NLRC5: variants seen among roughly 807,000 people sequenced by gnomAD.
NLRC5 encodes the protein NLR family CARD domain containing 5, also known as protein NLRC5.
Under a neutral mutation model 206.9 loss-of-function variants are expected in NLRC5, and 114 were observed. That is an observed-to-expected ratio of 0.55 (90% CI 0.47 to 0.64). The LOEUF (loss-of-function observed/expected upper bound fraction) is 0.64, where lower values mean the gene tolerates loss of function less well. Among genes scored for constraint, NLRC5 ranks in the 30% least tolerant of loss-of-function variants. NLRC5 has a pLI of 0.00. For synonymous variants in NLRC5, 952 were observed against 962.8 expected (o/e 0.99, Z 0.21); for missense variants, 2,008 against 2,305.5 (o/e 0.87, Z 2.64).
intron 15 of NLRC5, among the ~76,000 whole-genome samples, chr16:57,038,592 TTATAAAA>T (rs1411377524): frequency 6.6e-5 from 2 of 30,248 alleles, no homozygotes; most frequent in African/African-American, 1.3e-4. Flanking sequence ...TCTTAAAAGA[TTATAAAA>T]GATTATAATA....
intron 1 of NLRC5, among the ~76,000 whole-genome samples, chr16:57,011,561 A>C (rs550027300): frequency 2.0e-5 from 3 of 152,248 alleles, no homozygotes; most frequent in Non-Finnish European, 4.4e-5. Context: ...TGTCTCTACA[A>C]AAAAATTAAA....
Position 57,026,504 on chromosome 16 carries a change from C to T in NLRC5, c.1561C>T (p.Leu521Phe). 2 of 1,614,124 alleles carry T rather than the reference C, an allele frequency of 1.2e-6. No individual in the cohort carries two copies. The highest frequency in any genetic ancestry group is 1.7e-6 in the Non-Finnish European group (2 of 1,180,044). Reference protein sequence around the residue: ...AFTHLSLQEFLAALHLMASPK... With the variant: ...AFTHLSLQEFFAALHLMASPK... ...CACCCACCTCAGCCTGCAGGAGTTTCTTGCTGCCCTGCACCTGATGGCCAG... is the reference window on the plus strand; with the variant it reads ...CACCCACCTCAGCCTGCAGGAGTTTTTTGCTGCCCTGCACCTGATGGCCAG... Residue 521 changes from leucine (L) to phenylalanine (F), a missense_variant, in exon 6 of 49, where the codon CTT becomes TTT. By Grantham distance (22) the Leu-to-Phe change is conservative. Transcript: ENST00000688547.
chr16:57,013,691 C>A (rs1051798696), intron 1 of NLRC5: 4 of 811,986 alleles, frequency 4.9e-6, no homozygotes, highest in Admixed American at 1.8e-5. Flanking sequence ...TTGCTGGTAA[C>A]CTGGAATATG....
chr16:57,019,040 A>G (rs1278595575), intron 2 of NLRC5, among the ~76,000 whole-genome samples: 2 of 152,256 alleles, frequency 1.3e-5, no homozygotes, highest in African/African-American at 4.8e-5. Context: ...CACATTATTT[A>G]GGCTTTTGCT....
chr16:57,054,848 T>C lies in NLRC5; in HGVS notation c.3596+8T>C. ...TAAAAAGGTGGATCTCAGGTGGGCATTCCCCTGGGACAGCCAGGACTCGTC... is the reference window on the plus strand; with the variant it reads ...TAAAAAGGTGGATCTCAGGTGGGCACTCCCCTGGGACAGCCAGGACTCGTC... On this transcript the variant is annotated splice_region_variant and intron_variant, in intron 25 of 48. Transcript: ENST00000688547. 1.2e-6 allele frequency: 2 copies of C among 1,613,522 alleles called. No homozygotes were observed. The highest frequency in any genetic ancestry group is 2.2e-5 in the East Asian group (1 of 44,886).
chr16:57,031,215 A>G (rs184194460), intron 10 of NLRC5, among the ~76,000 whole-genome samples, 189 bp from the exon 11 acceptor site: 58 of 152,348 alleles, frequency 3.8e-4, no homozygotes, highest in Admixed American at 7.8e-4. Flanking sequence ...TCATCAAGCA[A>G]AGACATAATC....
intron 13 of NLRC5, 79 bp downstream of exon 13, chr16:57,034,330 G>A (rs555711674): frequency 2.0e-6 from 2 of 1,020,340 alleles, no homozygotes; most frequent in South Asian, 1.4e-5. Flanking sequence ...CCTTTGGGTG[G>A]GTGGTGTGGG....
At chr16:57,059,862 C>T (rs1451869785) in intron 30 of NLRC5, among the ~76,000 whole-genome samples, 1 of 152,060 alleles carries the variant, frequency 6.6e-6, no homozygotes, top group Non-Finnish European at 1.5e-5. Context: ...AAAATAAATC[C>T]CTGATCTGCC....
chr16:57,033,655 A>C lies in NLRC5; in HGVS notation c.2529A>C (p.Arg843Ser). 1 of 1,614,074 alleles carries C rather than the reference A, an allele frequency of 6.2e-7. No homozygotes were observed. The highest frequency in any genetic ancestry group is 8.5e-7 in the Non-Finnish European group (1 of 1,179,956). ...GCCAGAGGAAAGGGGCTCAGAGCAG[A>C]AGCTTGACGCTCAGGTACCTTGGAG... ...SDGQRKGAQS[R>S]SLTLRLQKCQ... The change falls in exon 12 of 49, where the codon AGA becomes AGC. Residue 843 changes from arginine to serine, a missense_variant. By Grantham distance (110) the Arg-to-Ser change is moderately radical. Coordinates refer to ENST00000688547, the MANE Select transcript of NLRC5 (RefSeq NM_001384950.1).
chr16:56,998,080 C>A (rs1199088842), intron 1 of NLRC5, among the ~76,000 whole-genome samples: 1 of 152,040 alleles, frequency 6.6e-6, no homozygotes, highest in Non-Finnish European at 1.5e-5. Flanking sequence ...TTCTTCTGCC[C>A]CAGTTTTATG....
chr16:57,061,513 T>C lies in NLRC5; in HGVS notation c.4052T>C (p.Leu1351Pro), dbSNP rs747333317. Residue 1351 changes from leucine (L) to proline (P), a missense_variant, in exon 31 of 49, where the codon CTG (leucine) becomes CCG (proline). By Grantham distance (98) the Leu-to-Pro change is moderately conservative. Transcript: ENST00000688547. Reference sequence around the variant, plus strand: ...CTGGCCACCGGCTTGAGCAAGTCCCTGCAGCTGACGGAGCTCACGTGAGTG... The same window carrying C: ...CTGGCCACCGGCTTGAGCAAGTCCCCGCAGCTGACGGAGCTCACGTGAGTG... ...SRLATGLSKS[L>P]QLTELTLTQC... 9 of 1,610,438 alleles carry C rather than the reference T, an allele frequency of 5.6e-6. No homozygotes were observed. In the South Asian group the frequency reaches 9.9e-5, roughly 18 times the overall value.
At position 57,025,135 on chromosome 16, in the gene NLRC5, C is replaced by T. The variant is rs563833628; in HGVS notation, c.425-233C>T. On this transcript the variant is annotated intron_variant, in intron 5 of 48. Transcript: ENST00000688547. ...GAACCGTGACCCACACTTCCCCATTCCCACCTGCCTGTTTAAATAGCTACC... is the reference window on the plus strand; with the variant it reads ...GAACCGTGACCCACACTTCCCCATTTCCACCTGCCTGTTTAAATAGCTACC... Among the ~76,000 whole-genome samples, 21 of 152,332 alleles carry T rather than the reference C, an allele frequency of 1.4e-4. No homozygotes were observed. The South Asian group carries it at 4.3e-3, about 32-fold the overall frequency.
intron 34 of NLRC5, 24 bp downstream of exon 34, chr16:57,066,638 C>T (rs770297528): frequency 9.4e-6 from 15 of 1,600,826 alleles, no homozygotes; most frequent in Non-Finnish European, 1.3e-5. Context: ...CCAGGGACCC[C>T]AAGGCAGGGG....
Position 57,017,527 on chromosome 16 carries a change from C to T in NLRC5, c.-13+339C>T, listed in dbSNP as rs556407940. On this transcript the variant is annotated intron_variant, in intron 2 of 48. Coordinates refer to ENST00000688547, the MANE Select transcript of NLRC5 (RefSeq NM_001384950.1). ...CATGCACCCTCCAAAGTCCCAGTGACTCATGGCAACAAAAGTTTATTTCCT... is the reference window on the plus strand; with the variant it reads ...CATGCACCCTCCAAAGTCCCAGTGATTCATGGCAACAAAAGTTTATTTCCT... Among the ~76,000 whole-genome samples, 16 of 152,282 alleles carry T rather than the reference C, an allele frequency of 1.1e-4. No individual in the cohort carries two copies. In the East Asian group the frequency reaches 3.1e-3, roughly 29 times the overall value.
At chr16:57,078,254 T>G (rs1173882688) in intron 43 of NLRC5, among the ~76,000 whole-genome samples, 1 of 152,196 alleles carries the variant, frequency 6.6e-6, no homozygotes, top group African/African-American at 2.4e-5. Flanking sequence ...GCCAAACCCC[T>G]GCCCCTTCTC....
intron 27 of NLRC5, 120 bp from the exon 28 acceptor site, chr16:57,057,945 T>G: frequency 1.3e-6 from 1 of 756,620 alleles, no homozygotes; most frequent in South Asian, 1.5e-5. Flanking sequence ...GTGGTGGCGC[T>G]GGTGACCCTG....
rs1597293440 is a variant in NLRC5, at chr16:57,037,206, A to C, written c.2723A>C (p.Asn908Thr). 3 of 1,613,718 alleles carry C rather than the reference A, an allele frequency of 1.9e-6. No individual in the cohort carries two copies. The highest frequency in any genetic ancestry group is 2.2e-5 in the East Asian group (1 of 44,858). The change falls in exon 15 of 49, where the codon AAC (asparagine) becomes ACC (threonine). Residue 908 changes from asparagine to threonine, a missense_variant. Transcript: ENST00000688547. ...HIARKLDLSN[N>T]GLSVAGVHCV... Reference sequence around the variant, plus strand: ...CCTGCTCTCCACAGCCTCAGTAACAACGGGCTTTCTGTGGCCGGGGTGCAT... The same window carrying C: ...CCTGCTCTCCACAGCCTCAGTAACACCGGGCTTTCTGTGGCCGGGGTGCAT...
chr16:56,994,540 A>G (rs1489515165), intron 1 of NLRC5, among the ~76,000 whole-genome samples: 2 of 152,228 alleles, frequency 1.3e-5, no homozygotes, highest in East Asian at 3.8e-4. Context: ...TGTGCATGTC[A>G]TATGAGGTCA....
In NLRC5 at chr16:57,036,101, C is replaced by T; in HGVS notation, c.2629C>T (p.Leu877Phe). The change falls in exon 14 of 49, where the codon CTC (leucine) becomes TTC (phenylalanine). Residue 877 changes from leucine to phenylalanine, a missense_variant and splice_region_variant. Leu to Phe is a conservative substitution (Grantham distance 22). Coordinates refer to ENST00000688547, the MANE Select transcript of NLRC5 (RefSeq NM_001384950.1). ...QEGPHLEEVD[L>F]SGNQLEDEGC... ...AGTGCATTGGGCCCCCCGTCTCAGC[C>T]TCTCAGGGAACCAGCTGGAAGATGA... 3.7e-6 allele frequency: 6 copies of T among 1,613,608 alleles called. No individual in the cohort carries two copies. Among genetic ancestry groups the T allele is most frequent in the Non-Finnish European group, 5.1e-6 (6 of 1,179,966 alleles).
Sources: allele counts gnomAD v4.1 joint callset (sites outside exome capture counted in the v4.1 genomes callset), GRCh38; gene constraint gnomAD v4.1.1; transcripts MANE v1.5; gene names NCBI Gene and HGNC (gene_info 2026-07-23, HGNC 2026-07-21).